LRP1B: variants seen among roughly 807,000 people sequenced by gnomAD.
LRP1B encodes LDL receptor related protein 1B.
A neutral mutation model predicts 556.6 loss-of-function variants in LRP1B; 217 were observed. The observed-to-expected ratio is 0.39, with a 90% CI of 0.35 to 0.44. LRP1B has a LOEUF of 0.44. LRP1B is among the 20% of genes least tolerant of loss of function. LRP1B has a pLI of 1.00. For missense variants in LRP1B, 5,053 were observed against 5,620.8 expected (o/e 0.90, Z 3.23); for synonymous variants, 2,047 against 1,865.8 (o/e 1.10, Z -2.50).
chr2:141,122,405 G>GA (rs56871197), intron 7 of LRP1B, among the ~76,000 whole-genome samples: 2,282 of 144,664 alleles, frequency 0.016, 50 homozygotes, highest in African/African-American at 0.052. Flanking sequence ...AAACTTACAA[G>GA]AAAAAAAAAA....
intron 14 of LRP1B, among the ~76,000 whole-genome samples, chr2:141,010,092 G>T (rs1414108984): frequency 6.6e-6 from 1 of 151,984 alleles, no homozygotes; most frequent in Non-Finnish European, 1.5e-5. Flanking sequence ...AACAATTACA[G>T]CTAGTTCTTA....
intron 2 of LRP1B, among the ~76,000 whole-genome samples, chr2:141,768,491 A>G (rs1694798194): frequency 6.6e-6 from 1 of 151,980 alleles, no homozygotes; most frequent in African/African-American, 2.4e-5. Context: ...ATTAGGTCAT[A>G]TTTTTATTAG....
intron 2 of LRP1B, among the ~76,000 whole-genome samples, chr2:141,776,557 T>C (rs1394855957): frequency 6.6e-6 from 1 of 152,158 alleles, no homozygotes; most frequent in Non-Finnish European, 1.5e-5. Flanking sequence ...ACATGGAAGG[T>C]GATCAGTAAT....
Position 141,628,934 on chromosome 2 carries a change from C to A in LRP1B, c.206-148401G>T, listed in dbSNP as rs146016505. ...CAAAGTGCAGAAATACAGCTGTGAG[C>A]CACTGCACCCAGGCTGAACAAGTGT... On this transcript the variant is annotated intron_variant, in intron 2 of 90. Transcript: ENST00000389484. 9.9e-3 allele frequency among the ~76,000 whole-genome samples: 1,504 copies of A among 152,218 alleles called. 16 individuals are homozygous for A. Among genetic ancestry groups the A allele is most frequent in the Non-Finnish European group, 0.013 (889 of 68,018 alleles).
chr2:140,361,444 C>G (rs1682512952), intron 72 of LRP1B, among the ~76,000 whole-genome samples: 1 of 138,252 alleles, frequency 7.2e-6, no homozygotes, highest in Non-Finnish European at 1.5e-5. Context: ...AATTACAGAT[C>G]TACCTGTATC....
intron 27 of LRP1B, among the ~76,000 whole-genome samples, chr2:140,866,041 A>AATGATGCAATACATAG (rs1692940625): frequency 2.0e-5 from 3 of 152,114 alleles, no homozygotes; most frequent in African/African-American, 4.8e-5. Flanking sequence ...GGTGAGGAGG[A>AATGATGCAATACATAG]ATGATGCAAT....
intron 86 of LRP1B, among the ~76,000 whole-genome samples, chr2:140,254,715 G>A (rs926808509): frequency 3.3e-5 from 5 of 151,828 alleles, no homozygotes; most frequent in African/African-American, 4.8e-5. Context: ...CACCACACCC[G>A]GCTGATGTTT....
intron 3 of LRP1B, among the ~76,000 whole-genome samples, chr2:141,360,999 G>T (rs888739650): frequency 6.6e-6 from 1 of 152,054 alleles, no homozygotes; most frequent in Admixed American, 6.5e-5. Context: ...TAAATAGATT[G>T]AATAAATAAA....
intron 35 of LRP1B, among the ~76,000 whole-genome samples, chr2:140,729,377 T>C (rs961644068): frequency 1.3e-5 from 2 of 152,192 alleles, no homozygotes; most frequent in Non-Finnish European, 2.9e-5. Context: ...AAATTGCCTA[T>C]GCTTACTGTG....
chr2:142,086,768 A>T (rs1270437165), intron 1 of LRP1B, among the ~76,000 whole-genome samples: 2 of 152,148 alleles, frequency 1.3e-5, no homozygotes, highest in Non-Finnish European at 2.9e-5. Context: ...ATTCAAAGTT[A>T]ACTGAGTGTC....
intron 18 of LRP1B, among the ~76,000 whole-genome samples, chr2:140,959,247 G>C (rs1695964629): frequency 6.6e-6 from 1 of 151,636 alleles, no homozygotes; most frequent in African/African-American, 2.4e-5. Context: ...GAGAGATACA[G>C]GATTAGAAGA....
At chr2:140,852,655 G>T (rs1278984651) in intron 27 of LRP1B, among the ~76,000 whole-genome samples, 1 of 152,090 alleles carries the variant, frequency 6.6e-6, no homozygotes, top group East Asian at 1.9e-4. Context: ...TACTTTTTCT[G>T]TATTAACTAA....
At chr2:142,013,903 G>A (rs879632089) in intron 1 of LRP1B, among the ~76,000 whole-genome samples, 10 of 152,112 alleles carry the variant, frequency 6.6e-5, no homozygotes, top group Non-Finnish European at 1.3e-4. Context: ...TTAATGGAAT[G>A]AATTAATGTT....
chr2:141,725,201 C>CA (rs1692982441), intron 2 of LRP1B, among the ~76,000 whole-genome samples: 2 of 151,966 alleles, frequency 1.3e-5, no homozygotes, highest in African/African-American at 4.8e-5. Context: ...CTCATCAAAA[C>CA]AAAAAGCTCA....
At chr2:141,022,285 C>G (rs1444744687) in intron 11 of LRP1B, among the ~76,000 whole-genome samples, 1 of 147,258 alleles carries the variant, frequency 6.8e-6, no homozygotes, top group South Asian at 2.2e-4. Flanking sequence ...TCTGTTTGTG[C>G]TTTGATTTTT....
intron 79 of LRP1B, among the ~76,000 whole-genome samples, chr2:140,326,263 G>A (rs1024537006): frequency 8.6e-5 from 13 of 151,760 alleles, no homozygotes; most frequent in Non-Finnish European, 1.3e-4. Context: ...ATCATTTATC[G>A]GACCATTATT....
At chr2:141,704,489 A>G (rs533315858) in intron 2 of LRP1B, among the ~76,000 whole-genome samples, 7 of 152,066 alleles carry the variant, frequency 4.6e-5, no homozygotes, top group Non-Finnish European at 8.8e-5. Context: ...GAAATTTAAG[A>G]TTTCAACTTT....
Position 142,027,130 on chromosome 2 carries a change from G to A in LRP1B, c.82+103518C>T, listed in dbSNP as rs369900907. On this transcript the variant is annotated intron_variant, in intron 1 of 90. Transcript: ENST00000389484. Reference sequence around the variant, plus strand: ...GCGCTTTGTGGGTGCATTGTAAGTCGCATATATCTGGCCATGTGAATACTG... The same window carrying A: ...GCGCTTTGTGGGTGCATTGTAAGTCACATATATCTGGCCATGTGAATACTG... Among the ~76,000 whole-genome samples, 16 of 152,044 alleles carry A rather than the reference G, an allele frequency of 1.1e-4. No individual in the cohort carries two copies. In the South Asian group the frequency reaches 1.2e-3, roughly 12 times the overall value.
intron 1 of LRP1B, among the ~76,000 whole-genome samples, chr2:142,016,767 G>A (rs572384286): frequency 1.3e-5 from 2 of 151,296 alleles, no homozygotes; most frequent in African/African-American, 4.9e-5. Flanking sequence ...CATGGCACGT[G>A]TATACCTATG....
Sources: gnomAD v4.1 joint callset for allele counts (sites outside exome capture counted in the v4.1 genomes callset) on GRCh38, gnomAD v4.1.1 for gene constraint, MANE v1.5 for transcripts, NCBI Gene and HGNC (gene_info 2026-07-23, HGNC 2026-07-21) for gene names.